TENM2: variants seen among roughly 807,000 people sequenced by gnomAD.
The protein encoded by TENM2 is teneurin transmembrane protein 2.
A neutral mutation model predicts 245.2 loss-of-function variants in TENM2; 52 were observed. The observed-to-expected ratio is 0.21, with a 90% CI of 0.17 to 0.27. The LOEUF is 0.27. TENM2 is among the 10% of genes least tolerant of loss of function. The probability of loss-of-function intolerance (pLI) is 1.00; values close to 1 mark genes in which losing one functional copy is unlikely to be tolerated. For synonymous variants in TENM2, 1,363 were observed against 1,438.9 expected (o/e 0.95, Z 1.19); for missense variants, 3,046 against 3,666.8 (o/e 0.83, Z 4.37).
At chr5:168,136,489 G>A (rs539327841) in intron 12 of TENM2, among the ~76,000 whole-genome samples, 24 of 152,242 alleles carry the variant, frequency 1.6e-4, no homozygotes, top group East Asian at 5.8e-4. Context: ...GTGTTCCCCC[G>A]TGCCAGCAGC....
chr5:167,527,275 A>G (rs943064876), intron 2 of TENM2, among the ~76,000 whole-genome samples: 1 of 152,170 alleles, frequency 6.6e-6, no homozygotes, highest in African/African-American at 2.4e-5. Context: ...TGTGTTTGCT[A>G]GAACTAAAAA....
chr5:167,487,149 A>G (rs995062463), intron 2 of TENM2, among the ~76,000 whole-genome samples: 1 of 152,156 alleles, frequency 6.6e-6, no homozygotes, highest in African/African-American at 2.4e-5. Context: ...GCAGGCCATA[A>G]TCTAGTCCAA....
intron 2 of TENM2, among the ~76,000 whole-genome samples, chr5:167,612,577 T>C (rs1390835380): frequency 6.6e-6 from 1 of 152,178 alleles, no homozygotes; most frequent in South Asian, 2.1e-4. Context: ...TTTAAAAGGT[T>C]GTAAATGTCA....
At chr5:167,667,371 A>C (rs1433380569) in intron 2 of TENM2, among the ~76,000 whole-genome samples, 1 of 152,162 alleles carries the variant, frequency 6.6e-6, no homozygotes, top group Non-Finnish European at 1.5e-5. Flanking sequence ...TCAGGGGAGA[A>C]TCTACCTCCA....
intron 2 of TENM2, among the ~76,000 whole-genome samples, chr5:167,616,608 A>T (rs967683483): frequency 6.6e-6 from 1 of 152,250 alleles, no homozygotes; most frequent in Non-Finnish European, 1.5e-5. Context: ...TAGGGAAATC[A>T]AATCTTCAAT....
At chr5:167,839,376 C>T (rs1299742477) in intron 2 of TENM2, among the ~76,000 whole-genome samples, 1 of 152,152 alleles carries the variant, frequency 6.6e-6, no homozygotes, top group African/African-American at 2.4e-5. Context: ...TTCATACATC[C>T]ATAATTAAAA....
At chr5:167,033,175 C>T in the TENM2 span, among the ~76,000 whole-genome samples, 1 of 152,180 alleles carries the variant, frequency 6.6e-6, no homozygotes, top group Non-Finnish European at 1.5e-5. Context: ...TCTGCAGAAA[C>T]AGCATTAAAG....
chr5:166,981,013 A>G, the TENM2 span, among the ~76,000 whole-genome samples: 2 of 152,208 alleles, frequency 1.3e-5, no homozygotes, highest in Non-Finnish European at 2.9e-5. Context: ...GAAGAACTAC[A>G]TGAAAAAGTG....
chr5:167,786,583 G>A (rs947732232), intron 2 of TENM2, among the ~76,000 whole-genome samples: 2 of 152,210 alleles, frequency 1.3e-5, no homozygotes, highest in African/African-American at 4.8e-5. Context: ...ACCACTGGCT[G>A]TGGCCAGGAG....
chr5:167,462,185 C>CCA (rs1554159713), intron 2 of TENM2, among the ~76,000 whole-genome samples: 1 of 122,732 alleles, frequency 8.1e-6, no homozygotes, highest in African/African-American at 2.9e-5. Context: ...ACCCCCACCC[C>CCA]CCCCCCCCAT....
chr5:167,247,642 T>G, the TENM2 span, among the ~76,000 whole-genome samples: 1 of 152,316 alleles, frequency 6.6e-6, no homozygotes, highest in South Asian at 2.1e-4. Flanking sequence ...GAATTTCAGT[T>G]TATCTTCTAG....
chr5:167,712,102 T>A (rs1277705234), intron 2 of TENM2, among the ~76,000 whole-genome samples: 1 of 151,972 alleles, frequency 6.6e-6, no homozygotes, highest in Non-Finnish European at 1.5e-5. Context: ...CAGGACAGGA[T>A]GAAGTAGGTT....
At chr5:168,262,691 A>G (rs772193880) in exon 29 of TENM2, 1 of 1,610,324 alleles carries the variant, frequency 6.2e-7, no homozygotes, top group Non-Finnish European at 8.5e-7. Flanking sequence ...GCTTCTGAGC[A>G]CCGGGCGCGT....
At chr5:168,176,258 G>A (rs1324854102) in intron 13 of TENM2, among the ~76,000 whole-genome samples, 1 of 152,154 alleles carries the variant, frequency 6.6e-6, no homozygotes, top group African/African-American at 2.4e-5. Context: ...ATCTCCCGTA[G>A]CATGGCACCC....
At chr5:167,633,264 C>CAT (rs975733637) in intron 2 of TENM2, among the ~76,000 whole-genome samples, 3 of 152,142 alleles carry the variant, frequency 2.0e-5, no homozygotes, top group African/African-American at 7.2e-5. Flanking sequence ...ATTTATCAGA[C>CAT]ATGGCCCCTC....
intron 4 of TENM2, among the ~76,000 whole-genome samples, chr5:167,958,542 GC>G (rs1780739933): frequency 6.6e-6 from 1 of 152,090 alleles, no homozygotes; most frequent in South Asian, 2.1e-4. Context: ...TGGTTATTTT[GC>G]CCGTTGGTTG....
intron 3 of TENM2, among the ~76,000 whole-genome samples, chr5:167,917,080 G>A (rs1376937807): frequency 6.6e-6 from 1 of 152,154 alleles, no homozygotes; most frequent in African/African-American, 2.4e-5. Flanking sequence ...GATACTGTCA[G>A]GCATCAGATG....
chr5:167,755,234 A>G, intron 2 of TENM2: 3 of 1,457,158 alleles, frequency 2.1e-6, no homozygotes, highest in Non-Finnish European at 2.9e-6. Context: ...TTTTGCAAGC[A>G]CCTGTCCTCA....
At chr5:168,249,443 G>A (rs1245504813) in intron 27 of TENM2, among the ~76,000 whole-genome samples, 6 of 119,884 alleles carry the variant, frequency 5.0e-5, no homozygotes, top group Admixed American at 1.6e-4. Context: ...GACAAATACC[G>A]TTCTCTCAAG....
Sources: allele counts gnomAD v4.1 joint callset (sites outside exome capture counted in the v4.1 genomes callset), GRCh38; gene constraint gnomAD v4.1.1; transcripts MANE v1.5; gene names NCBI Gene and HGNC (gene_info 2026-07-23, HGNC 2026-07-21).